Variants in OR52N1 observed in about 807,000 individuals in gnomAD.
OR52N1 encodes the protein olfactory receptor family 52 subfamily N member 1, also known as olfactory receptor 52N1.
In OR52N1, 11 loss-of-function variants were observed where a neutral mutation model predicts 13.9. That is an observed-to-expected ratio of 0.79 (90% CI 0.50 to 1.31). OR52N1 has a LOEUF of 1.31. OR52N1 is among the 40% of genes most tolerant of loss of function. The pLI is 0.00. For missense variants in OR52N1, 414 were observed against 397.7 expected (o/e 1.04, Z -0.35); for synonymous variants, 142 against 143.7 (o/e 0.99, Z 0.08).
At chr11:5,788,909 A>T in intron 1 of OR52N1, 49 bp from the exon 2 acceptor site, 1 of 1,348,556 alleles carries the variant, frequency 7.4e-7, no homozygotes. Flanking sequence ...GTGACTGACC[A>T]TCAGTCTTCT....
At position 5,787,439 on chromosome 11, in the gene OR52N1, A is replaced by G. The variant is rs1282810668; in HGVS notation, c.*415T>C. 2 of 145,680 alleles carry G rather than the reference A, an allele frequency of 1.4e-5. No individual in the cohort carries two copies. Among genetic ancestry groups the G allele is most frequent in the Non-Finnish European group, 3.0e-5 (2 of 67,096 alleles). 9.0% of individuals were successfully genotyped at this position (145,680 alleles called of 1,614,324 possible). Reference sequence around the variant, plus strand: ...TGGGATAGAAGCAGAATAAACTCTAAGTGATTTTGGCAGGAAAATGATGAG... The same window carrying G: ...TGGGATAGAAGCAGAATAAACTCTAGGTGATTTTGGCAGGAAAATGATGAG... On this transcript the variant is annotated 3_prime_UTR_variant, in exon 2 of 2. Transcript: ENST00000641645.
rs1239558894 is a variant in OR52N1, at chr11:5,788,462, G to A, written c.355C>T (p.Leu119Phe). 6.2e-7 allele frequency: 1 copy of A among 1,614,076 alleles called. No individual in the cohort carries two copies. The highest frequency in any genetic ancestry group is 8.5e-7 in the Non-Finnish European group (1 of 1,179,982). Residue 119 changes from leucine (L) to phenylalanine (F), a missense_variant, in exon 2 of 2, where the codon CTC (leucine) becomes TTC (phenylalanine). Physicochemically the swap from Leu to Phe is conservative, Grantham distance 22. Coordinates refer to ENST00000641645, the MANE Select transcript of OR52N1 (RefSeq NM_001001913.2). ...GCCACACAGTGGTCCAGGGCCATGA[G>A]CATGAGCACCCCAGACTCCATCCCT... ...FTGMESGVLM[L>F]MALDHCVAIC...
chr11:5,790,367 T>C (rs1346633648), intron 1 of OR52N1, among the ~76,000 whole-genome samples: 1 of 152,118 alleles, frequency 6.6e-6, no homozygotes, highest in Non-Finnish European at 1.5e-5. Context: ...CAGAAAAGTA[T>C]GGAATGAGGC....
Position 5,788,393 on chromosome 11 carries a change from C to G in OR52N1, c.424G>C (p.Val142Leu), listed in dbSNP as rs1564965365. ...GTGAGGAACCCAGCTTTAGCAATGA[C>G]TGAATTAGTGAGGATGGTGGCATAA... ...LRYATILTNS[V>L]IAKAGFLTFL... The change falls in exon 2 of 2, where the codon GTC becomes CTC. Residue 142 changes from valine to leucine, a missense_variant. Transcript: ENST00000641645. The G allele has an allele frequency of 1.9e-6, 3 of 1,613,990 alleles. No individual in the cohort carries two copies. Among genetic ancestry groups the G allele is most frequent in the Middle Eastern group, 3.3e-4 (2 of 6,058 alleles).
Position 5,788,613 on chromosome 11 carries a change from A to C in OR52N1, c.204T>G (p.Leu68=). 6.2e-7 allele frequency: 1 copy of C among 1,614,036 alleles called. No homozygotes were observed. Among genetic ancestry groups the C allele is most frequent in the Non-Finnish European group, 8.5e-7 (1 of 1,179,974 alleles). ...TGCACATGAGCACATCTGTGAAGGA[A>C]AGAAGGGCAAGGAAGACATACATAG... ...HRPMYVFLAL[L]SFTDVLMCTS... is the part of the protein sequence containing the mutation. Residue 68 remains leucine (L), a synonymous_variant, in exon 2 of 2, where the codon CTT becomes CTG. Transcript: ENST00000641645.
At position 5,788,633 on chromosome 11, in the gene OR52N1, A is replaced by C. The variant is rs1386866446; in HGVS notation, c.184T>G (p.Tyr62Asp). ...YCDEALHRPM[Y>D]VFLALLSFTD... ...AAGGAAAGAAGGGCAAGGAAGACAT[A>C]CATAGGTCTGTGTAAGGCCTCATCA... The change falls in exon 2 of 2, where the codon TAT (tyrosine) becomes GAT (aspartate). Residue 62 changes from tyrosine to aspartate, a missense_variant. Transcript: ENST00000641645. 6.2e-7 allele frequency: 1 copy of C among 1,613,956 alleles called. No homozygotes were observed. The highest frequency in any genetic ancestry group is 1.7e-5 in the Admixed American group (1 of 59,972).
chr11:5,787,770 C>A lies in OR52N1; in HGVS notation c.*84G>T. ...AGTATCATAAAAATATTCCTGTGGC[C>A]AGATTTCTGGTGTCATTTAAAGAGC... On this transcript the variant is annotated 3_prime_UTR_variant, in exon 2 of 2. Coordinates refer to ENST00000641645, the MANE Select transcript of OR52N1 (RefSeq NM_001001913.2). The A allele has an allele frequency of 8.7e-7, 1 of 1,149,162 alleles. No individual in the cohort carries two copies. The highest frequency in any genetic ancestry group is 1.6e-5 in the South Asian group (1 of 61,776). The allele number at this position is 1,149,162 out of a possible 1,614,324, so 71.2% of individuals were successfully genotyped here.
intron 1 of OR52N1, among the ~76,000 whole-genome samples, chr11:5,789,096 T>C (rs1854630252): frequency 6.6e-6 from 1 of 152,150 alleles, no homozygotes; most frequent in Non-Finnish European, 1.5e-5. Context: ...TGTTATCATG[T>C]AGTCCATTCT....
intron 1 of OR52N1, among the ~76,000 whole-genome samples, chr11:5,789,203 T>C (rs1391029557): frequency 6.6e-6 from 1 of 152,220 alleles, no homozygotes; most frequent in Non-Finnish European, 1.5e-5. Context: ...GAGATCTCCG[T>C]TGTATTCTGA....
chr11:5,788,571 G>T lies in OR52N1; in HGVS notation c.246C>A (p.Asn82Lys), dbSNP rs750412950. 1.4e-5 allele frequency: 22 copies of T among 1,613,356 alleles called. No individual in the cohort carries two copies. The highest frequency in any genetic ancestry group is 1.3e-4 in the African/African-American group (10 of 74,864). Residue 82 changes from asparagine (N) to lysine (K), a missense_variant, in exon 2 of 2, where the codon AAC becomes AAA. Physicochemically the swap from Asn to Lys is moderately conservative, Grantham distance 94. Transcript: ENST00000641645. The stretch of plus-strand genomic sequence containing the variant: ...GATTAAACCACAATATGAAGAGAGT[G>T]TTGGGAAGGGTGCTGGTGCACATGA... ...DVLMCTSTLP[N>K]TLFILWFNLK... is the part of the protein sequence containing the mutation.
chr11:5,787,600 G>T lies in OR52N1; in HGVS notation c.*254C>A. ...TTTGTGTAGACTGTCATTTAGGAGA[G>T]AAGATGATGTCTGTGAAGATTAAAT... On this transcript the variant is annotated 3_prime_UTR_variant, in exon 2 of 2. Transcript: ENST00000641645. The T allele has an allele frequency of 3.4e-6, 1 of 294,646 alleles. No individual in the cohort carries two copies. Among genetic ancestry groups the T allele is most frequent in the Non-Finnish European group, 6.2e-6 (1 of 160,892 alleles). 18.3% of individuals were successfully genotyped at this position (294,646 alleles called of 1,614,324 possible).
At position 5,788,275 on chromosome 11, in the gene OR52N1, C is replaced by T; in HGVS notation, c.542G>A (p.Cys181Tyr). Residue 181 changes from cysteine (C) to tyrosine (Y), a missense_variant, in exon 2 of 2, where the codon TGT becomes TAT. Transcript: ENST00000641645. ...CKGNVIPHTY[C>Y]DHMSVAKISC... ...TATCTTGGCCACAGACATGTGGTCA[C>T]AGTAGGTGTGGGGTATGACGTTGCC... is the stretch of plus-strand genomic sequence containing the variant. 6.2e-7 allele frequency: 1 copy of T among 1,614,052 alleles called. No homozygotes were observed. The highest frequency in any genetic ancestry group is 8.5e-7 in the Non-Finnish European group (1 of 1,179,988).
intron 1 of OR52N1, among the ~76,000 whole-genome samples, chr11:5,790,767 TC>T (rs1229125172): frequency 6.6e-6 from 1 of 152,138 alleles, no homozygotes; most frequent in African/African-American, 2.4e-5. Flanking sequence ...TCTGTTCATA[TC>T]CCTTTCCTAC....
rs1854613960 is a variant in OR52N1 at position 5,788,087 on chromosome 11, T to C, written c.730A>G (p.Thr244Ala). 1 of 1,613,994 alleles carries C rather than the reference T, an allele frequency of 6.2e-7. No homozygotes were observed. Among genetic ancestry groups the C allele is most frequent in the East Asian group, 2.2e-5 (1 of 44,858 alleles). ...DARQKAFSTC[T>A]AHFCAIVLTY... is the part of the protein sequence containing the mutation. ...AGGACTATGGCACAGAAGTGGGCAGTGCAGGTGCTGAAGGCCTTCTGTCGA... is the reference window on the plus strand; with the variant it reads ...AGGACTATGGCACAGAAGTGGGCAGCGCAGGTGCTGAAGGCCTTCTGTCGA... The change falls in exon 2 of 2, where the codon ACT becomes GCT. Residue 244 changes from threonine to alanine, a missense_variant. By Grantham distance (58) the Thr-to-Ala change is moderately conservative. Coordinates refer to ENST00000641645, the MANE Select transcript of OR52N1 (RefSeq NM_001001913.2).
chr11:5,787,128 C>T lies in OR52N1; in HGVS notation c.*726G>A, dbSNP rs1016813216. 6 of 140,044 alleles carry T rather than the reference C, an allele frequency of 4.3e-5. 1 individual carries two copies. Among genetic ancestry groups the T allele is most frequent in the African/African-American group, 1.6e-4 (6 of 38,246 alleles). 8.7% of individuals were successfully genotyped at this position (140,044 alleles called of 1,614,324 possible). A position where few individuals can be genotyped will look rare whatever the true frequency, so the allele number is the denominator to read the frequency against. Reference sequence around the variant, plus strand: ...ACGGTGGTACCTCAGAAGCATCCCCCTCATTACCTGGTTTCTCATTCTCAA... The same window carrying T: ...ACGGTGGTACCTCAGAAGCATCCCCTTCATTACCTGGTTTCTCATTCTCAA... On this transcript the variant is annotated 3_prime_UTR_variant, in exon 2 of 2. Transcript: ENST00000641645.
Position 5,786,509 on chromosome 11 carries a change from G to A in OR52N1, c.*1345C>T, listed in dbSNP as rs1225380326. The A allele has an allele frequency of 1.6e-5, 2 of 125,038 alleles. No individual in the cohort carries two copies. The highest frequency in any genetic ancestry group is 6.0e-5 in the African/African-American group (2 of 33,368). 7.7% of individuals were successfully genotyped at this position (125,038 alleles called of 1,614,324 possible). A position where few individuals can be genotyped will look rare whatever the true frequency, so the allele number is the denominator to read the frequency against. ...CATTGTTCAATTCCCACCTATGAGT[G>A]AGAACATGCAGTGTTTGGTTTTTTG... On this transcript the variant is annotated 3_prime_UTR_variant, in exon 2 of 2. Transcript: ENST00000641645.
At position 5,788,210 on chromosome 11, in the gene OR52N1, T is replaced by C. The variant is rs767911405; in HGVS notation, c.607A>G (p.Ile203Val). 6.2e-7 allele frequency: 1 copy of C among 1,613,988 alleles called. No individual in the cohort carries two copies. The highest frequency in any genetic ancestry group is 1.1e-5 in the South Asian group (1 of 91,076). ...AAGCCCCCAATCAGCAGGGCAACTA[T>C]CAAACCATAGATGGCGTTAACCCTG... ...NVRVNAIYGL[I>V]VALLIGGFDI... Residue 203 changes from isoleucine to valine, a missense_variant, in exon 2 of 2, where the codon ATA becomes GTA. By Grantham distance (29) the Ile-to-Val change is conservative (BLOSUM62 3). Transcript: ENST00000641645.
In OR52N1 at chr11:5,788,696, T is replaced by C. The variant is rs766532712; in HGVS notation, c.121A>G (p.Ile41Val). Reference protein sequence around the residue: ...FPLCTMYSIAITGNFGLMYLI... With the variant: ...FPLCTMYSIAVTGNFGLMYLI... ...TACATAAGGCCGAAGTTCCCTGTAA[T>C]AGCAATGCTGTACATGGTACACAGT... is the stretch of plus-strand genomic sequence containing the variant. The change falls in exon 2 of 2, where the codon ATT (isoleucine) becomes GTT (valine). Residue 41 changes from isoleucine (I) to valine (V), a missense_variant. Transcript: ENST00000641645. The C allele has an allele frequency of 1.1e-5, 18 of 1,613,890 alleles. No homozygotes were observed. The South Asian group carries it at 1.3e-4, about 12-fold the overall frequency.
chr11:5,788,986 T>A (rs1388103439), intron 1 of OR52N1, 126 bp from the exon 2 acceptor site: 2 of 710,558 alleles, frequency 2.8e-6, no homozygotes, highest in East Asian at 5.5e-5. Context: ...ATGTTTAATA[T>A]GTGATATATA....
Sources: gnomAD v4.1 joint callset for allele counts (sites outside exome capture counted in the v4.1 genomes callset) on GRCh38, gnomAD v4.1.1 for gene constraint, MANE v1.5 for transcripts, NCBI Gene and HGNC (gene_info 2026-07-23, HGNC 2026-07-21) for gene names.